Variants in SMIM33 observed in about 807,000 individuals in gnomAD.
SMIM33 encodes the protein small integral membrane protein 33.
At position 139,472,535 on chromosome 5, in the gene SMIM33, G is replaced by A. The variant is rs1751552832; in HGVS notation, c.13G>A (p.Gly5Ser). 2.5e-6 allele frequency: 1 copy of A among 400,876 alleles called. No homozygotes were observed. Among genetic ancestry groups the A allele is most frequent in the Admixed American group, 4.4e-5 (1 of 22,718 alleles). The allele number at this position is 400,876 out of a possible 1,614,324, so 24.8% of individuals were successfully genotyped here. A position where few individuals can be genotyped will look rare whatever the true frequency, so the allele number is the denominator to read the frequency against. MHQA[G>S]HYSWPSPAVN... ...CTCTCTGCCACTCTCCTCCCAGGCTGGCCACTACTCCTGGCCTTCTCCAGC... is the reference window on the plus strand; with the variant it reads ...CTCTCTGCCACTCTCCTCCCAGGCTAGCCACTACTCCTGGCCTTCTCCAGC... Residue 5 changes from glycine (G) to serine (S), a missense_variant, in exon 2 of 2, where the codon GGC (glycine) becomes AGC (serine). Physicochemically the swap from Gly to Ser is moderately conservative, Grantham distance 56. Coordinates refer to ENST00000637503, the MANE Select transcript of SMIM33 (RefSeq NM_001365197.1).
At chr5:139,472,460 C>G in intron 1 of SMIM33, 72 bp from the exon 2 acceptor site, 142 of 243,324 alleles carry the variant, frequency 5.8e-4, no homozygotes, top group East Asian at 1.4e-3. Flanking sequence ...GGGTGTTTGT[C>G]TCTTTCTATT....
intron 1 of SMIM33, among the ~76,000 whole-genome samples, chr5:139,471,640 T>C (rs1475904870): frequency 1.3e-5 from 2 of 152,018 alleles, no homozygotes; most frequent in African/African-American, 4.8e-5. Context: ...GGGGTACGGA[T>C]CGTGACCCCC....
chr5:139,472,496 C>T (rs1458122080), intron 1 of SMIM33, 36 bp from the exon 2 acceptor site: 10 of 372,080 alleles, frequency 2.7e-5, no homozygotes, highest in Non-Finnish European at 1.4e-5. Flanking sequence ...GTGTATACAT[C>T]CATGTCACCC....
In SMIM33 at chr5:139,472,649, C is replaced by T. The variant is rs1030528852; in HGVS notation, c.127C>T (p.Pro43Ser). Residue 43 changes from proline (P) to serine (S), a missense_variant, in exon 2 of 2, where the codon CCT (proline) becomes TCT (serine). Pro to Ser is a moderately conservative substitution (Grantham distance 74). Transcript: ENST00000637503. ...TWEQPRVDGL[P>S]VVTVIVAVFV... The stretch of plus-strand genomic sequence containing the variant: ...GGAACAACCTCGAGTTGACGGGCTG[C>T]CTGTGGTCACCGTCATTGTCGCTGT... The T allele has an allele frequency of 1.5e-5, 6 of 400,732 alleles. No homozygotes were observed. In the Admixed American group the frequency reaches 2.6e-4, roughly 18 times the overall value. The allele number at this position is 400,732 out of a possible 1,614,324, so 24.8% of individuals were successfully genotyped here.
chr5:139,471,421 A>C (rs1751533289), intron 1 of SMIM33, among the ~76,000 whole-genome samples: 1 of 152,070 alleles, frequency 6.6e-6, no homozygotes, highest in Non-Finnish European at 1.5e-5. Flanking sequence ...ACCCATGGGG[A>C]GGGCCATGCT....
chr5:139,473,155 G>T lies in SMIM33; in HGVS notation c.*234G>T, dbSNP rs185661385. 2.7e-4 allele frequency: 102 copies of T among 375,406 alleles called. No homozygotes were observed. Among genetic ancestry groups the T allele is most frequent in the African/African-American group, 2.0e-3 (95 of 48,348 alleles). The allele number at this position is 375,406 out of a possible 1,614,324, so 23.3% of individuals were successfully genotyped here. On this transcript the variant is annotated 3_prime_UTR_variant, in exon 2 of 2. Transcript: ENST00000637503. ...GCGGGGGGCCTTCCCAGGGCCCAAG[G>T]CCACCTCACAAAGTCCCTCCCTCCT...
rs995493743 is a variant in SMIM33 at position 139,473,467 on chromosome 5, G to T, written c.*546G>T. The T allele has an allele frequency of 6.6e-6, 1 of 152,284 alleles. No individual in the cohort carries two copies. The highest frequency in any genetic ancestry group is 1.5e-5 in the Non-Finnish European group (1 of 68,110). The allele number at this position is 152,284 out of a possible 1,614,324, so 9.4% of individuals were successfully genotyped here. On this transcript the variant is annotated 3_prime_UTR_variant, in exon 2 of 2. Coordinates refer to ENST00000637503, the MANE Select transcript of SMIM33 (RefSeq NM_001365197.1). ...CTTCGGCTGTTAGGGCCCAGACCTT[G>T]TTGACAAGCTCCGAAGTCCTTGTAA...
At position 139,471,079 on chromosome 5, in the gene SMIM33, A is replaced by G; in HGVS notation, c.-43A>G. The G allele has an allele frequency of 2.5e-6, 1 of 398,754 alleles. No individual in the cohort carries two copies. Among genetic ancestry groups the G allele is most frequent in the Non-Finnish European group, 4.4e-6 (1 of 226,176 alleles). 24.7% of individuals were successfully genotyped at this position (398,754 alleles called of 1,614,324 possible). On this transcript the variant is annotated 5_prime_UTR_variant, in exon 1 of 2. Transcript: ENST00000637503. ...TAGGGTGGCCAGCCCTCCTTTACCC[A>G]GCTGGCTGCCAGTCCCAAGGGAGCC...
At chr5:139,471,851 CCCTCTA>C (rs991196291) in intron 1 of SMIM33, among the ~76,000 whole-genome samples, 10 of 152,124 alleles carry the variant, frequency 6.6e-5, no homozygotes, top group South Asian at 2.1e-4. Context: ...AGTTCACATC[CCCTCTA>C]CCTCTACCTC....
At position 139,472,681 on chromosome 5, in the gene SMIM33, T is replaced by C. The variant is rs1751555402; in HGVS notation, c.159T>C (p.Val53=). The C allele has an allele frequency of 2.2e-5, 9 of 400,846 alleles. 1 individual carries two copies. In the East Asian group the frequency reaches 3.2e-4, roughly 14 times the overall value. The allele number at this position is 400,846 out of a possible 1,614,324, so 24.8% of individuals were successfully genotyped here. ...TCACCGTCATTGTCGCTGTCTTTGTTCTGCTGGCAGTCTGCATCATAGTGG... is the reference window on the plus strand; with the variant it reads ...TCACCGTCATTGTCGCTGTCTTTGTCCTGCTGGCAGTCTGCATCATAGTGG... The part of the protein sequence containing the change: ...PVVTVIVAVF[V]LLAVCIIVAV... The change falls in exon 2 of 2, where the codon GTT becomes GTC. Residue 53 remains valine (V), a synonymous_variant. Transcript: ENST00000637503.
In SMIM33 at chr5:139,471,005, G is replaced by T. The variant is rs749379223; in HGVS notation, c.-117G>T. Reference sequence around the variant, plus strand: ...AGCGGTGAGAGTGTGTGCACAGGGTGTGTGCCCATGGGCCCCGCAGACGTG... The same window carrying T: ...AGCGGTGAGAGTGTGTGCACAGGGTTTGTGCCCATGGGCCCCGCAGACGTG... On this transcript the variant is annotated 5_prime_UTR_variant, in exon 1 of 2. Coordinates refer to ENST00000637503, the MANE Select transcript of SMIM33 (RefSeq NM_001365197.1). The T allele has an allele frequency of 7.5e-5, 30 of 398,708 alleles. No individual in the cohort carries two copies. Among genetic ancestry groups the T allele is most frequent in the Non-Finnish European group, 1.2e-4 (27 of 226,260 alleles). 24.7% of individuals were successfully genotyped at this position (398,708 alleles called of 1,614,324 possible). A position where few individuals can be genotyped will look rare whatever the true frequency, so the allele number is the denominator to read the frequency against.
chr5:139,472,376 T>C (rs1751549457), intron 1 of SMIM33, among the ~76,000 whole-genome samples, 156 bp from the exon 2 acceptor site: 2 of 152,214 alleles, frequency 1.3e-5, no homozygotes, highest in South Asian at 4.1e-4. Flanking sequence ...CTCCAGGTCT[T>C]TACTCTGACT....
At position 139,473,285 on chromosome 5, in the gene SMIM33, A is replaced by C. The variant is rs1751568152; in HGVS notation, c.*364A>C. The C allele has an allele frequency of 6.1e-6, 1 of 165,068 alleles. No homozygotes were observed. The highest frequency in any genetic ancestry group is 2.4e-5 in the African/African-American group (1 of 42,042). 10.2% of individuals were successfully genotyped at this position (165,068 alleles called of 1,614,324 possible). A position where few individuals can be genotyped will look rare whatever the true frequency, so the allele number is the denominator to read the frequency against. On this transcript the variant is annotated 3_prime_UTR_variant, in exon 2 of 2. Transcript: ENST00000637503. ...AATGTGAATCCAACTCCCCACAAGC[A>C]GGAATGTCAGAGGCCCCGTGGAGAG...
At chr5:139,471,665 G>A (rs1039847436) in intron 1 of SMIM33, among the ~76,000 whole-genome samples, 1 of 152,086 alleles carries the variant, frequency 6.6e-6, no homozygotes. Context: ...TTTGGTAGAA[G>A]AACACTGGGA....
In SMIM33 at chr5:139,473,131, C is replaced by CG. The variant is rs1004581428; in HGVS notation, c.*216dup. 1.2e-4 allele frequency: 48 copies of CG among 386,244 alleles called. No individual in the cohort carries two copies. The highest frequency in any genetic ancestry group is 1.9e-4 in the Non-Finnish European group (41 of 218,878). The allele number at this position is 386,244 out of a possible 1,614,324, so 23.9% of individuals were successfully genotyped here. ...GAGGGCCCTGCCCAGAAACATGCTG[C>CG]GGGGGGCCTTCCCAGGGCCCAAGGC... is the stretch of plus-strand genomic sequence containing the variant. On this transcript the variant is annotated 3_prime_UTR_variant, in exon 2 of 2. Coordinates refer to ENST00000637503, the MANE Select transcript of SMIM33 (RefSeq NM_001365197.1).
At position 139,473,568 on chromosome 5, in the gene SMIM33, A is replaced by G. The variant is rs987494911; in HGVS notation, c.*647A>G. ...ACTCTGTCTTGCCTCTCCAGAAGGG[A>G]TGGGGGAATTTGGGAGCCTCTCATT... On this transcript the variant is annotated 3_prime_UTR_variant, in exon 2 of 2. Coordinates refer to ENST00000637503, the MANE Select transcript of SMIM33 (RefSeq NM_001365197.1). 4 of 152,174 alleles carry G rather than the reference A, an allele frequency of 2.6e-5. No homozygotes were observed. The highest frequency in any genetic ancestry group is 4.1e-4 in the South Asian group (2 of 4,828). The allele number at this position is 152,174 out of a possible 1,614,324, so 9.4% of individuals were successfully genotyped here.
intron 1 of SMIM33, 147 bp from the exon 2 acceptor site, chr5:139,472,385 C>A (rs964849228): frequency 7.6e-6 from 3 of 395,456 alleles, no homozygotes; most frequent in African/African-American, 6.2e-5. Flanking sequence ...TTTACTCTGA[C>A]TTTTTGTCTT....
At chr5:139,471,300 TG>T (rs1751531730) in intron 1 of SMIM33, among the ~76,000 whole-genome samples, 170 bp downstream of exon 1, 2 of 151,784 alleles carry the variant, frequency 1.3e-5, no homozygotes, top group East Asian at 1.9e-4. Context: ...CAAGGTAGGG[TG>T]GGGGGTGTGC....
chr5:139,472,203 TTCTCTG>T (rs1420169004), intron 1 of SMIM33, among the ~76,000 whole-genome samples: 1 of 152,212 alleles, frequency 6.6e-6, no homozygotes, highest in Non-Finnish European at 1.5e-5. Context: ...TGTTTCTTTT[TTCTCTG>T]TCTCTGTCTG....
Sources: gnomAD v4.1 joint callset for allele counts (sites outside exome capture counted in the v4.1 genomes callset) on GRCh38, gnomAD v4.1.1 for gene constraint, MANE v1.5 for transcripts, NCBI Gene and HGNC (gene_info 2026-07-23, HGNC 2026-07-21) for gene names.